The following COL13A1 variants were observed in gnomAD, a reference collection of about 807,000 sequenced individuals.
COL13A1 encodes the protein collagen type XIII alpha 1 chain.
COL13A1 carries 89 observed loss-of-function variants against 130.9 expected under a neutral mutation model. The ratio of observed to expected loss-of-function variants is 0.68; its 90% CI spans 0.57 to 0.81. The LOEUF is 0.81. Among genes scored for constraint, COL13A1 ranks in the 30% least tolerant of loss-of-function variants. The pLI is 0.00. For missense variants in COL13A1, 879 were observed against 934.6 expected, an observed-to-expected ratio of 0.94 and a Z score of 0.78; for synonymous variants, 402 against 341.6, an observed-to-expected ratio of 1.18 and a Z score of -1.95.
rs891661039 is a variant in COL13A1, at chr10:69,872,322, G to C, written c.399+112G>C. The C allele has an allele frequency of 9.9e-6, 12 of 1,216,752 alleles. No homozygotes were observed. In the Admixed American group the frequency reaches 2.4e-4, roughly 24 times the overall value. The allele number at this position is 1,216,752 out of a possible 1,614,324, so 75.4% of individuals were successfully genotyped here. A position where few individuals can be genotyped will look rare whatever the true frequency, so the allele number is the denominator to read the frequency against. On this transcript the variant is annotated intron_variant, in intron 4 of 40. Coordinates refer to ENST00000645393, the MANE Select transcript of COL13A1 (RefSeq NM_001368882.1). ...TTTCTCCAGGTGTATCTGGGTGACA[G>C]GCCACTCTCCAGAGTCCCTGATCTA...
Position 69,887,542 on chromosome 10 carries a change from G to A in COL13A1, c.549+51G>A, listed in dbSNP as rs10999011. 0.29 allele frequency: 467,333 copies of A among 1,596,540 alleles called. 70,328 individuals carry two copies. The highest frequency in any genetic ancestry group is 0.31 in the Non-Finnish European group (364,220 of 1,167,052). Reference sequence around the variant, plus strand: ...TGTGTCCCAGGTGGTCTGTAGGCCTGATTGGGTTAAACTTCATCTGAGGTC... The same window carrying A: ...TGTGTCCCAGGTGGTCTGTAGGCCTAATTGGGTTAAACTTCATCTGAGGTC... On this transcript the variant is annotated intron_variant, in intron 8 of 40. Transcript: ENST00000645393.
chr10:69,841,132 T>C (rs538831924), intron 2 of COL13A1, among the ~76,000 whole-genome samples: 1 of 149,818 alleles, frequency 6.7e-6, no homozygotes, highest in African/African-American at 2.5e-5. Context: ...AGCAGGGCTC[T>C]CATCACCAGG....
In COL13A1 at chr10:69,918,158, C is replaced by T. The variant is rs915711682; in HGVS notation, c.967-127C>T. ...ACCTCCCAGGTGGGGTTGGTGGTTG[C>T]GGGGTTGGGAGGAGTGAGCGGTCCT... On this transcript the variant is annotated intron_variant, in intron 18 of 40. Transcript: ENST00000645393. 6 of 729,436 alleles carry T rather than the reference C, an allele frequency of 8.2e-6. No homozygotes were observed. The South Asian group carries it at 9.1e-5, about 11-fold the overall frequency. 45.2% of individuals were successfully genotyped at this position (729,436 alleles called of 1,614,324 possible).
In COL13A1 at chr10:69,902,793, G is replaced by A; in HGVS notation, c.796G>A (p.Gly266Ser). 1 of 1,554,410 alleles carries A rather than the reference G, an allele frequency of 6.4e-7. No individual in the cohort carries two copies. The highest frequency in any genetic ancestry group is 1.2e-5 in the South Asian group (1 of 83,906). ...ASIQGPPGPP[G>S]PPGPSGPLGH... is the part of the protein sequence containing the mutation. ...CATCCAAGGTCCACCAGGGCCCCCA[G>A]GCCCCCCTGGACCAAGTGGACCTCT... The change falls in exon 15 of 41, where the codon GGC (glycine) becomes AGC (serine). Residue 266 changes from glycine to serine, a missense_variant. This residue lies in a region of COL13A1 where 715 missense variants were observed against 721.0 expected (regional missense o/e 0.99). Transcript: ENST00000645393.
chr10:69,897,521 T>A, intron 13 of COL13A1: 4 of 1,613,902 alleles, frequency 2.5e-6, no homozygotes, highest in Non-Finnish European at 3.4e-6. Context: ...AGCCAAATAA[T>A]TGCCCTGAAG....
At chr10:69,901,902 A>G (rs1225693032) in intron 14 of COL13A1, among the ~76,000 whole-genome samples, 1 of 152,170 alleles carries the variant, frequency 6.6e-6, no homozygotes, top group African/African-American at 2.4e-5. Flanking sequence ...GGGAATAATA[A>G]CAGCCTCCCC....
intron 5 of COL13A1, chr10:69,877,471 A>G (rs2894300): frequency 0.075 from 11,443 of 152,920 alleles, 546 homozygotes; most frequent in Middle Eastern, 0.14. Flanking sequence ...CTTGGTGTTC[A>G]GCTGGACCTG....
intron 4 of COL13A1, among the ~76,000 whole-genome samples, chr10:69,874,706 A>G (rs1276323351): frequency 6.6e-6 from 1 of 152,196 alleles, no homozygotes; most frequent in African/African-American, 2.4e-5. Context: ...TGATTCACCC[A>G]TCTGTCACAT....
chr10:69,867,554 G>A (rs1292488744), intron 2 of COL13A1, among the ~76,000 whole-genome samples: 2 of 152,244 alleles, frequency 1.3e-5, no homozygotes, highest in East Asian at 1.9e-4. Context: ...GCCACCGGCA[G>A]GTCCCCAGCA....
intron 17 of COL13A1, among the ~76,000 whole-genome samples, chr10:69,907,588 T>C (rs1405299811): frequency 6.6e-6 from 1 of 151,782 alleles, no homozygotes; most frequent in Non-Finnish European, 1.5e-5. Context: ...ACTAACCCAC[T>C]CCCACAATAA....
intron 36 of COL13A1, 28 bp downstream of exon 36, chr10:69,944,206 G>C (rs1293527884): frequency 1.1e-5 from 17 of 1,608,374 alleles, no homozygotes; most frequent in Non-Finnish European, 1.3e-5. Context: ...AGGGGCCTGG[G>C]CGGCCAGGAG....
chr10:69,822,315 G>T, intron 1 of COL13A1, 54 bp from the exon 2 acceptor site: 1 of 1,419,468 alleles, frequency 7.0e-7, no homozygotes, highest in South Asian at 1.4e-5. Flanking sequence ...CTGCTTTCCA[G>T]GGCTTGGTGT....
Position 69,861,518 on chromosome 10 carries a change from G to A in COL13A1, c.365-6280G>A, listed in dbSNP as rs559624308. Among the ~76,000 whole-genome samples, 16 of 152,252 alleles carry A rather than the reference G, an allele frequency of 1.1e-4. No homozygotes were observed. In the South Asian group the frequency reaches 3.3e-3, roughly 32 times the overall value. ...CTAGTCCCCATGCCTGGTATGAGAT[G>A]TGTCTGGGGAGTCCAGGACACCCAG... On this transcript the variant is annotated intron_variant, in intron 2 of 40. Transcript: ENST00000645393.
intron 9 of COL13A1, among the ~76,000 whole-genome samples, chr10:69,888,920 C>A (rs1203316291): frequency 6.6e-6 from 1 of 152,172 alleles, no homozygotes; most frequent in Non-Finnish European, 1.5e-5. Context: ...GGGAGCATGA[C>A]CCATCCAAAG....
intron 1 of COL13A1, 58 bp downstream of exon 1, chr10:69,802,775 T>A (rs1040540562): frequency 6.3e-6 from 10 of 1,594,064 alleles, no homozygotes; most frequent in Non-Finnish European, 8.6e-6. Context: ...TCGCGCAGCC[T>A]CCAGACTGTT....
At chr10:69,919,112 C>T (rs377038319) in intron 20 of COL13A1, 24 bp downstream of exon 20, 64 of 1,613,886 alleles carry the variant, frequency 4.0e-5, no homozygotes, top group African/African-American at 1.6e-4. Context: ...GAGAATGTTC[C>T]GGGCTGCACA....
intron 2 of COL13A1, among the ~76,000 whole-genome samples, chr10:69,843,905 A>T (rs2704484): frequency 0.86 from 130,571 of 152,200 alleles, 56,062 homozygotes; most frequent in South Asian, 0.94. Context: ...AAGGTGTTGA[A>T]CATCTGCTGT....
At chr10:69,934,243 A>G (rs554580763) in intron 31 of COL13A1, among the ~76,000 whole-genome samples, 1 of 152,336 alleles carries the variant, frequency 6.6e-6, no homozygotes, top group African/African-American at 2.4e-5. Flanking sequence ...GTGAATGTTA[A>G]TGCATGTAGA....
intron 2 of COL13A1, among the ~76,000 whole-genome samples, chr10:69,853,157 G>T (rs968955021): frequency 6.6e-6 from 1 of 152,184 alleles, no homozygotes; most frequent in South Asian, 2.1e-4. Flanking sequence ...TAATTAAAAA[G>T]TCAGAGCCTT....
Sources: gnomAD v4.1 joint callset for allele counts (sites outside exome capture counted in the v4.1 genomes callset) on GRCh38, gnomAD v4.1.1 for gene constraint, gnomAD v4.1.1 regional missense constraint, MANE v1.5 for transcripts, NCBI Gene and HGNC (gene_info 2026-07-23, HGNC 2026-07-21) for gene names.